The following MYO10 variants were observed in gnomAD, a reference collection of about 807,000 sequenced individuals.
MYO10 encodes the protein unconventional myosin-X.
Under a neutral mutation model 257.3 loss-of-function variants are expected in MYO10, and 133 were observed. The ratio of observed to expected loss-of-function variants is 0.52; its 90% CI spans 0.45 to 0.60. MYO10 has a LOEUF of 0.60. MYO10 is among the 20% of genes least tolerant of loss of function. MYO10 has a pLI of 0.00. For synonymous variants in MYO10, 1,104 were observed against 1,028.6 expected, an observed-to-expected ratio of 1.07 and a Z score of -1.40; for missense variants, 2,399 against 2,635.7, an observed-to-expected ratio of 0.91 and a Z score of 1.97.
rs1230961809 is a variant in MYO10, at chr5:16,758,065, T to C, written c.1848+53A>G. 18 of 1,347,638 alleles carry C rather than the reference T, an allele frequency of 1.3e-5. No individual in the cohort carries two copies. In the East Asian group the frequency reaches 4.1e-4, roughly 31 times the overall value. The allele number at this position is 1,347,638 out of a possible 1,614,324, so 83.5% of individuals were successfully genotyped here. On this transcript the variant is annotated intron_variant, in intron 18 of 40. Transcript: ENST00000513610. ...ACATACACCCAAATCCTCTTTTCAG[T>C]TCTTAAAAATACAGTAACGACGGAT... is the stretch of plus-strand genomic sequence containing the variant.
chr5:16,740,555 G>T (rs1255822050), intron 19 of MYO10, among the ~76,000 whole-genome samples: 1 of 152,102 alleles, frequency 6.6e-6, no homozygotes, highest in African/African-American at 2.4e-5. Context: ...TTAGCAGCTG[G>T]CACCTCCCGG....
In MYO10 at chr5:16,818,722, A is replaced by T. The variant is rs12188617; in HGVS notation, c.121-555T>A. ...CAGAAGTGCTGGGATTACAGGCATGAGCCACAGAGCCCAGCTGTCACCTAT... is the reference window on the plus strand; with the variant it reads ...CAGAAGTGCTGGGATTACAGGCATGTGCCACAGAGCCCAGCTGTCACCTAT... On this transcript the variant is annotated intron_variant, in intron 2 of 40. Coordinates refer to ENST00000513610, the MANE Select transcript of MYO10 (RefSeq NM_012334.3). Among the ~76,000 whole-genome samples the T allele has an allele frequency of 4.7e-4, 72 of 151,828 alleles. 1 individual carries two copies. Among genetic ancestry groups the T allele is most frequent in the South Asian group, 1.5e-3 (7 of 4,794 alleles).
At chr5:16,703,244 C>T in intron 22 of MYO10, 86 bp from the exon 23 acceptor site, 2 of 994,352 alleles carry the variant, frequency 2.0e-6, no homozygotes, top group Non-Finnish European at 3.0e-6. Flanking sequence ...GGCTACAAGA[C>T]AAAAGAGGAC....
chr5:16,707,254 C>T (rs563315894), intron 21 of MYO10, among the ~76,000 whole-genome samples: 1 of 152,316 alleles, frequency 6.6e-6, no homozygotes, highest in East Asian at 1.9e-4. Context: ...TCGGGTATGT[C>T]TTTATTAGCA....
rs1312151992 is a variant in MYO10, at chr5:16,662,390, C to G, written c.*4302G>C. The G allele has an allele frequency of 6.3e-4, 83 of 130,972 alleles. No homozygotes were observed. Among genetic ancestry groups the G allele is most frequent in the African/African-American group, 2.3e-3 (80 of 34,852 alleles). 8.1% of individuals were successfully genotyped at this position (130,972 alleles called of 1,614,324 possible). A position where few individuals can be genotyped will look rare whatever the true frequency, so the allele number is the denominator to read the frequency against. ...CCACACCAGAATGCAGTGGCACCAT[C>G]ATGGCTCCCTGCAGCTTTGACCTCC... On this transcript the variant is annotated 3_prime_UTR_variant, in exon 41 of 41. Transcript: ENST00000513610.
intron 2 of MYO10, among the ~76,000 whole-genome samples, chr5:16,839,939 T>C (rs546492499): frequency 3.3e-5 from 5 of 152,274 alleles, no homozygotes; most frequent in East Asian, 1.9e-4. Context: ...TAGAGCCTCA[T>C]TGTAAGTCGA....
At chr5:16,932,271 G>A (rs948189723) in intron 1 of MYO10, among the ~76,000 whole-genome samples, 3 of 152,156 alleles carry the variant, frequency 2.0e-5, no homozygotes, top group African/African-American at 7.2e-5. Flanking sequence ...CCGAGATCTT[G>A]TATTTGAACA....
At chr5:16,745,393 A>AT (rs1740161580) in intron 19 of MYO10, among the ~76,000 whole-genome samples, 1 of 151,618 alleles carries the variant, frequency 6.6e-6, no homozygotes, top group Admixed American at 6.6e-5. Flanking sequence ...AAAAACAAAA[A>AT]TTCAAAAGCA....
In MYO10 at chr5:16,882,431, A is replaced by T. The variant is rs551888168; in HGVS notation, c.22-4724T>A. ...CTCCTAGTTGTTTACTCAAAAAAAA[A>T]TTTTTTTAAGTCTTGTGTGCAAATA... On this transcript the variant is annotated intron_variant, in intron 1 of 40. Coordinates refer to ENST00000513610, the MANE Select transcript of MYO10 (RefSeq NM_012334.3). Among the ~76,000 whole-genome samples, 68 of 152,204 alleles carry T rather than the reference A, an allele frequency of 4.5e-4. No homozygotes were observed. The South Asian group carries it at 9.8e-3, about 22-fold the overall frequency.
chr5:16,671,427 C>G lies in MYO10; in HGVS notation c.5425G>C (p.Glu1809Gln). The G allele has an allele frequency of 6.2e-7, 1 of 1,613,890 alleles. No individual in the cohort carries two copies. Among genetic ancestry groups the G allele is most frequent in the Non-Finnish European group, 8.5e-7 (1 of 1,179,844 alleles). Residue 1809 changes from glutamate (E) to glutamine (Q), a missense_variant, in exon 38 of 41, where the codon GAA (glutamate) becomes CAA (glutamine). This residue lies in a region of MYO10 where 1,820 missense variants were observed against 1,939.4 expected (regional missense o/e 0.94). Coordinates refer to ENST00000513610, the MANE Select transcript of MYO10 (RefSeq NM_012334.3). The part of the protein sequence containing the change: ...KDSVEFAFMF[E>Q]QAHEAVIHGH... ...TTTCTAACTATTCCTTTTACCTGTTCAAACATAAATGCAAACTCCACACTG... is the reference window on the plus strand; with the variant it reads ...TTTCTAACTATTCCTTTTACCTGTTGAAACATAAATGCAAACTCCACACTG...
intron 1 of MYO10, among the ~76,000 whole-genome samples, chr5:16,922,304 T>C (rs1746010637): frequency 6.6e-6 from 1 of 151,972 alleles, no homozygotes; most frequent in African/African-American, 2.4e-5. Context: ...GGGGAAAACT[T>C]CCAGAGGGCT....
At chr5:16,895,113 T>G (rs1745180777) in intron 1 of MYO10, among the ~76,000 whole-genome samples, 1 of 152,254 alleles carries the variant, frequency 6.6e-6, no homozygotes, top group Non-Finnish European at 1.5e-5. Flanking sequence ...ATTACTGTTT[T>G]ACAATGCAGT....
chr5:16,750,994 TCAAACAAA>T (rs369394471), intron 19 of MYO10, among the ~76,000 whole-genome samples: 5 of 152,024 alleles, frequency 3.3e-5, no homozygotes, highest in African/African-American at 7.2e-5. Flanking sequence ...AAACTCTGTC[TCAAACAAA>T]CAAACAAACA....
At chr5:16,704,126 T>TC (rs936121883) in intron 22 of MYO10, among the ~76,000 whole-genome samples, 5 of 151,654 alleles carry the variant, frequency 3.3e-5, no homozygotes, top group African/African-American at 1.2e-4. Context: ...TTTGAGACCC[T>TC]CCTGGGCAAC....
chr5:16,858,618 T>C (rs1226815853), intron 2 of MYO10, among the ~76,000 whole-genome samples: 1 of 152,150 alleles, frequency 6.6e-6, no homozygotes. Flanking sequence ...AGCACAATCA[T>C]ATGGTTTGAA....
intron 2 of MYO10, among the ~76,000 whole-genome samples, chr5:16,822,521 A>G (rs907754596): frequency 6.6e-6 from 1 of 152,142 alleles, no homozygotes; most frequent in African/African-American, 2.4e-5. Flanking sequence ...GGGGGTTATA[A>G]TTACATCAGG....
At chr5:16,676,593 G>A (rs1220608657) in intron 33 of MYO10, among the ~76,000 whole-genome samples, 3 of 152,138 alleles carry the variant, frequency 2.0e-5, no homozygotes, top group Non-Finnish European at 2.9e-5. Flanking sequence ...CTGAGTAGCT[G>A]TAATCTCAGC....
intron 2 of MYO10, among the ~76,000 whole-genome samples, chr5:16,857,250 T>G (rs185499772): frequency 1.3e-5 from 2 of 152,318 alleles, no homozygotes; most frequent in African/African-American, 4.8e-5. Context: ...TGGCAGGTGT[T>G]AGTATTTAAA....
At chr5:16,757,332 A>C (rs1560968458) in intron 18 of MYO10, among the ~76,000 whole-genome samples, 1 of 149,078 alleles carries the variant, frequency 6.7e-6, no homozygotes, top group Non-Finnish European at 1.5e-5. Context: ...ACACACACAC[A>C]CACACACACA....
Sources: gnomAD v4.1 joint callset for allele counts (sites outside exome capture counted in the v4.1 genomes callset) on GRCh38, gnomAD v4.1.1 for gene constraint, gnomAD v4.1.1 regional missense constraint, MANE v1.5 for transcripts, NCBI Gene and HGNC (gene_info 2026-07-23, HGNC 2026-07-21) for gene names.